The following POU2AF2 variants were observed in gnomAD, a reference collection of about 807,000 sequenced individuals.
The protein encoded by POU2AF2 is POU domain class 2-associating factor 2.
the POU2AF2 span, among the ~76,000 whole-genome samples, chr11:111,281,869 A>C: frequency 6.6e-6 from 1 of 152,164 alleles, no homozygotes; most frequent in African/African-American, 2.4e-5. Flanking sequence ...GTAAAAGGGG[A>C]ATTCCTAATA....
the POU2AF2 span, among the ~76,000 whole-genome samples, chr11:111,247,400 T>C: frequency 6.6e-6 from 1 of 152,212 alleles, no homozygotes; most frequent in African/African-American, 2.4e-5. Context: ...TGTGGATACC[T>C]ACAGTGTGGG....
At chr11:111,281,481 T>C in the POU2AF2 span, 27 of 1,604,502 alleles carry the variant, frequency 1.7e-5, no homozygotes, top group Non-Finnish European at 2.3e-5. Context: ...CCCTTTTGAA[T>C]TTAAATCAAG....
At chr11:111,278,741 T>C in the POU2AF2 span, among the ~76,000 whole-genome samples, 1 of 152,230 alleles carries the variant, frequency 6.6e-6, no homozygotes, top group Non-Finnish European at 1.5e-5. Flanking sequence ...GTATTTTTCA[T>C]AGGCTTGTCT....
chr11:111,276,453 A>AAAAAATATATAT, the POU2AF2 span, among the ~76,000 whole-genome samples: 197 of 37,374 alleles, frequency 5.3e-3, 1 homozygote, highest in Non-Finnish European at 8.3e-3. Flanking sequence ...AAAAAAAAAA[A>AAAAAATATATAT]ATATATATAT....
chr11:111,269,267 A>G, the POU2AF2 span, among the ~76,000 whole-genome samples: 1 of 152,192 alleles, frequency 6.6e-6, no homozygotes. Flanking sequence ...GTTTGAATAC[A>G]GAGGTACACA....
At chr11:111,264,554 A>G in the POU2AF2 span, among the ~76,000 whole-genome samples, 246 of 62,196 alleles carry the variant, frequency 4.0e-3, 16 homozygotes, top group Middle Eastern at 0.011. Context: ...GAAAGAAAGA[A>G]AGAAAGAAAG....
chr11:111,285,352 T>C, the POU2AF2 span, among the ~76,000 whole-genome samples: 2 of 152,210 alleles, frequency 1.3e-5, no homozygotes, highest in East Asian at 3.8e-4. Context: ...ACAGAGTGCA[T>C]TGCACACAGT....
chr11:111,255,252 T>G, the POU2AF2 span, among the ~76,000 whole-genome samples: 4 of 152,180 alleles, frequency 2.6e-5, no homozygotes, highest in African/African-American at 9.7e-5. Flanking sequence ...ACCTTGCAAA[T>G]AATTTAGTCG....
chr11:111,253,664 A>G, the POU2AF2 span, among the ~76,000 whole-genome samples: 15 of 152,208 alleles, frequency 9.9e-5, no homozygotes, highest in Non-Finnish European at 2.2e-4. Flanking sequence ...AGCTGCCAGA[A>G]AAGTCTATAT....
At chr11:111,263,577 C>T in the POU2AF2 span, among the ~76,000 whole-genome samples, 2 of 151,912 alleles carry the variant, frequency 1.3e-5, no homozygotes, top group Non-Finnish European at 2.9e-5. Context: ...GGAATACAGG[C>T]GAGTGCCACC....
the POU2AF2 span, chr11:111,285,758 C>T: frequency 6.2e-7 from 1 of 1,613,386 alleles, no homozygotes; most frequent in Non-Finnish European, 8.5e-7. Context: ...CCTCTCCCAG[C>T]TTGAGTCCGG....
the POU2AF2 span, among the ~76,000 whole-genome samples, chr11:111,266,254 G>C: frequency 3.7e-4 from 57 of 152,248 alleles, no homozygotes; most frequent in African/African-American, 1.4e-3. Flanking sequence ...GCAGATGGGA[G>C]AGGGTCAGCA....
the POU2AF2 span, among the ~76,000 whole-genome samples, chr11:111,275,619 A>C: frequency 6.6e-6 from 1 of 152,190 alleles, no homozygotes; most frequent in Non-Finnish European, 1.5e-5. Context: ...ACAAGATGTG[A>C]GTTTCAATCA....
the POU2AF2 span, chr11:111,285,720 T>C: frequency 6.2e-7 from 1 of 1,613,862 alleles, no homozygotes; most frequent in African/African-American, 1.3e-5. Flanking sequence ...GCCGATGCCC[T>C]GCTGACCTTG....
the POU2AF2 span, among the ~76,000 whole-genome samples, chr11:111,278,839 C>T: frequency 6.6e-6 from 1 of 152,182 alleles, no homozygotes; most frequent in Non-Finnish European, 1.5e-5. Flanking sequence ...TTATTCTTTC[C>T]AGCCAACTTT....
the POU2AF2 span, among the ~76,000 whole-genome samples, chr11:111,280,605 G>A: frequency 5.3e-5 from 8 of 152,106 alleles, no homozygotes; most frequent in Non-Finnish European, 5.9e-5. Flanking sequence ...CTCAGTAGCC[G>A]ACTCAGTGAT....
chr11:111,247,778 T>C, the POU2AF2 span, among the ~76,000 whole-genome samples: 1 of 150,954 alleles, frequency 6.6e-6, no homozygotes, highest in Non-Finnish European at 1.5e-5. Context: ...AGAGCAAGAC[T>C]CCATCTTAAA....
the POU2AF2 span, among the ~76,000 whole-genome samples, chr11:111,256,703 C>T: frequency 6.6e-6 from 1 of 152,222 alleles, no homozygotes; most frequent in African/African-American, 2.4e-5. Flanking sequence ...GCAGGCGCGC[C>T]AGGAGCTCTG....
At chr11:111,251,225 T>C in the POU2AF2 span, among the ~76,000 whole-genome samples, 2 of 152,106 alleles carry the variant, frequency 1.3e-5, no homozygotes, top group South Asian at 4.2e-4. Context: ...TCTGGATGTA[T>C]TTTGTAGGTA....
Sources: allele counts gnomAD v4.1 joint callset (sites outside exome capture counted in the v4.1 genomes callset), GRCh38; gene constraint gnomAD v4.1.1; transcripts MANE v1.5; gene names NCBI Gene and HGNC (gene_info 2026-07-23, HGNC 2026-07-21).